The following NEO1 variants were observed in gnomAD, a reference collection of about 807,000 sequenced individuals.
NEO1 encodes the protein neogenin 1.
NEO1 carries 63 observed loss-of-function variants against 159.7 expected under a neutral mutation model. That is an observed-to-expected ratio of 0.39 (90% CI 0.32 to 0.49). The LOEUF (loss-of-function observed/expected upper bound fraction) is 0.49, where lower values mean the gene tolerates loss of function less well. NEO1 is among the 20% of genes least tolerant of loss of function. The pLI, the probability that NEO1 is intolerant of heterozygous loss-of-function variation, is 0.85. For synonymous variants in NEO1, 633 were observed against 662.0 expected, an observed-to-expected ratio of 0.96 and a Z score of 0.67; for missense variants, 1,615 against 1,831.0, an observed-to-expected ratio of 0.88 and a Z score of 2.15.
intron 5 of NEO1, among the ~76,000 whole-genome samples, chr15:73,161,261 A>G (rs893501928): frequency 3.3e-5 from 5 of 152,162 alleles, no homozygotes; most frequent in Non-Finnish European, 5.9e-5. Context: ...TTTGATACGT[A>G]TGGAATTTAC....
At chr15:73,118,556 C>T (rs2169952) in intron 2 of NEO1, among the ~76,000 whole-genome samples, 19,876 of 151,834 alleles carry the variant, frequency 0.13, 2,010 homozygotes, top group African/African-American at 0.28. Context: ...ATCCCCACTG[C>T]CTGTTAATTT....
chr15:73,252,522 T>A (rs2040130103), intron 11 of NEO1, among the ~76,000 whole-genome samples: 1 of 152,212 alleles, frequency 6.6e-6, no homozygotes, highest in South Asian at 2.1e-4. Flanking sequence ...TGCTTAAATA[T>A]CTTTGCTGTA....
chr15:73,131,523 C>G (rs1481822016), intron 4 of NEO1, among the ~76,000 whole-genome samples: 1 of 152,170 alleles, frequency 6.6e-6, no homozygotes, highest in African/African-American at 2.4e-5. Flanking sequence ...GATGTATCTG[C>G]AAGATTTTAC....
intron 5 of NEO1, among the ~76,000 whole-genome samples, chr15:73,154,871 A>G (rs1449121762): frequency 6.6e-6 from 1 of 151,944 alleles, no homozygotes; most frequent in African/African-American, 2.4e-5. Context: ...TGAGGTTTTG[A>G]TCCTGTTACA....
At chr15:73,146,275 C>T (rs1429023524) in intron 5 of NEO1, among the ~76,000 whole-genome samples, 1 of 152,128 alleles carries the variant, frequency 6.6e-6, no homozygotes, top group Non-Finnish European at 1.5e-5. Flanking sequence ...TCCTTAGCAC[C>T]TAATGTAGTA....
At chr15:73,214,394 T>C (rs1238839288) in intron 7 of NEO1, among the ~76,000 whole-genome samples, 1 of 152,234 alleles carries the variant, frequency 6.6e-6, no homozygotes, top group Admixed American at 6.5e-5. Flanking sequence ...CTAGAATTTT[T>C]ATAGTGTCAG....
intron 1 of NEO1, among the ~76,000 whole-genome samples, chr15:73,073,300 C>T (rs1304631587): frequency 1.3e-5 from 2 of 151,998 alleles, no homozygotes; most frequent in African/African-American, 2.4e-5. Context: ...TCACTGTTGA[C>T]CTTACTGACA....
chr15:73,289,117 G>A (rs1301679000), intron 24 of NEO1, 29 bp from the exon 25 acceptor site: 1 of 1,597,448 alleles, frequency 6.3e-7, no homozygotes, highest in Non-Finnish European at 8.6e-7. Context: ...GGCACATGCT[G>A]GTAACTAACC....
chr15:73,068,229 C>G lies in NEO1; in HGVS notation c.130+15424C>G, dbSNP rs926961765. 7.1e-5 allele frequency among the ~76,000 whole-genome samples: 8 copies of G among 113,056 alleles called. 1 individual carries two copies. Among genetic ancestry groups the G allele is most frequent in the South Asian group, 3.5e-4 (1 of 2,898 alleles). The allele number at this position is 113,056 out of a possible 152,430, so 74.2% of individuals were successfully genotyped here. On this transcript the variant is annotated intron_variant, in intron 1 of 28. Transcript: ENST00000261908. ...TTTTTGTTTTTGTCCCCCTACCCCC[C>G]CCCCTTTTTTTTTGAGACAGTGTCT...
intron 1 of NEO1, among the ~76,000 whole-genome samples, chr15:73,106,718 T>C (rs985484812): frequency 1.3e-5 from 2 of 152,170 alleles, no homozygotes; most frequent in African/African-American, 4.8e-5. Context: ...TTCATTCTCT[T>C]TGTGGTGTAG....
At chr15:73,302,533 A>G in intron 28 of NEO1, 80 bp from the exon 29 acceptor site, 1 of 1,305,164 alleles carries the variant, frequency 7.7e-7, no homozygotes, top group Non-Finnish European at 1.1e-6. Flanking sequence ...TGACCACATG[A>G]GGCTTTGGCC....
chr15:73,070,967 T>C (rs968499355), intron 1 of NEO1, among the ~76,000 whole-genome samples: 4 of 152,166 alleles, frequency 2.6e-5, no homozygotes, highest in African/African-American at 7.2e-5. Flanking sequence ...AGTGATTCTT[T>C]TTAAAAATAT....
At chr15:73,117,828 AT>A (rs1337399998) in intron 2 of NEO1, among the ~76,000 whole-genome samples, 2 of 152,130 alleles carry the variant, frequency 1.3e-5, no homozygotes, top group East Asian at 1.9e-4. Context: ...GAAGAAAAAA[AT>A]GGGTCCTTTT....
Position 73,258,856 on chromosome 15 carries a change from C to T in NEO1, c.2183C>T (p.Thr728Ile). The T allele has an allele frequency of 6.2e-7, 1 of 1,613,764 alleles. No homozygotes were observed. The highest frequency in any genetic ancestry group is 2.2e-5 in the East Asian group (1 of 44,858). ...GCAACTGACTGGCTGTCTGCTGAAA[C>T]TTTTGAAAGTGACCTAGATGGTAAG... is the stretch of plus-strand genomic sequence containing the variant. ...GPATDWLSAE[T>I]FESDLDETRV... The change falls in exon 14 of 29, where the codon ACT (threonine) becomes ATT (isoleucine). Residue 728 changes from threonine to isoleucine, a missense_variant. By Grantham distance (89) the Thr-to-Ile change is moderately conservative. This residue lies in a region of NEO1 where 1,018 missense variants were observed against 1,115.4 expected (regional missense o/e 0.91). Transcript: ENST00000261908.
intron 7 of NEO1, among the ~76,000 whole-genome samples, chr15:73,213,517 A>G (rs2037701157): frequency 6.6e-6 from 1 of 152,066 alleles, no homozygotes; most frequent in Admixed American, 6.6e-5. Flanking sequence ...AGAACATTTG[A>G]TGTTTGGTTT....
At chr15:73,299,509 C>G (rs1006438570) in intron 27 of NEO1, among the ~76,000 whole-genome samples, 3 of 151,972 alleles carry the variant, frequency 2.0e-5, no homozygotes, top group Non-Finnish European at 2.9e-5. Flanking sequence ...CCTTAGCCTC[C>G]CAAGCAGCTG....
intron 1 of NEO1, among the ~76,000 whole-genome samples, chr15:73,054,588 G>A (rs879698410): frequency 2.1e-4 from 32 of 152,324 alleles, no homozygotes; most frequent in Admixed American, 1.1e-3. Flanking sequence ...CCTAGTCTGG[G>A]TGTTAAGAGT....
chr15:73,087,210 A>C (rs2069414916), intron 1 of NEO1, among the ~76,000 whole-genome samples: 1 of 152,172 alleles, frequency 6.6e-6, no homozygotes, highest in Non-Finnish European at 1.5e-5. Flanking sequence ...TAAAATCATG[A>C]ATGGTAGTTG....
intron 1 of NEO1, among the ~76,000 whole-genome samples, chr15:73,110,220 A>C (rs2070901139): frequency 6.6e-6 from 1 of 152,190 alleles, no homozygotes; most frequent in Admixed American, 6.5e-5. Flanking sequence ...AACATTAACA[A>C]GTAGTAAAAA....
Sources: gnomAD v4.1 joint callset for allele counts (sites outside exome capture counted in the v4.1 genomes callset) on GRCh38, gnomAD v4.1.1 for gene constraint, gnomAD v4.1.1 regional missense constraint, MANE v1.5 for transcripts, NCBI Gene and HGNC (gene_info 2026-07-23, HGNC 2026-07-21) for gene names.